Variants in GGT5 observed in about 807,000 individuals in gnomAD.
GGT5 encodes glutathione hydrolase 5 proenzyme.
GGT5 carries 50 observed loss-of-function variants against 58.1 expected under a neutral mutation model. The observed-to-expected ratio is 0.86, with a 90% CI of 0.69 to 1.09. GGT5 has a LOEUF of 1.09. GGT5 is among the 50% of genes least tolerant of loss of function. The pLI, the probability that GGT5 is intolerant of heterozygous loss-of-function variation, is 0.00. For missense variants in GGT5, 800 were observed against 789.4 expected (o/e 1.01, Z -0.16); for synonymous variants, 370 against 346.1 (o/e 1.07, Z -0.77).
At position 24,232,210 on chromosome 22, in the gene GGT5, TG is replaced by T; in HGVS notation, c.597-3del. On this transcript the variant is annotated splice_region_variant and splice_polypyrimidine_tract_variant and intron_variant, in intron 4 of 11. Coordinates refer to ENST00000327365, the MANE Select transcript of GGT5 (RefSeq NM_004121.5). The stretch of plus-strand genomic sequence containing the variant: ...TCTGTCCCGTTGAAGAAGAGCTGGC[TG>T]GGGGGTGGGGGGAGCCTCAGGGTGG... 6.9e-5 allele frequency: 28 copies of T among 405,636 alleles called. No homozygotes were observed. Among genetic ancestry groups the T allele is most frequent in the Non-Finnish European group, 8.7e-5 (22 of 251,680 alleles). 25.1% of individuals were successfully genotyped at this position (405,636 alleles called of 1,614,324 possible).
chr22:24,227,930 C>G (rs1471750658), intron 6 of GGT5, among the ~76,000 whole-genome samples: 1 of 151,288 alleles, frequency 6.6e-6, no homozygotes, highest in Non-Finnish European at 1.5e-5. Flanking sequence ...GTGCCTGTAA[C>G]CCCAGCTACT....
rs375806781 is a variant in GGT5 at position 24,238,389 on chromosome 22, G to C, written c.174-4385C>G. Among the ~76,000 whole-genome samples, 5 of 151,920 alleles carry C rather than the reference G, an allele frequency of 3.3e-5. 1 individual carries two copies. The highest frequency in any genetic ancestry group is 6.6e-5 in the Admixed American group (1 of 15,202). ...TACTACAAATACAAAAAAATTAGCA[G>C]GGCATGGTGTCATGCGCCTGTTGTA... is the stretch of plus-strand genomic sequence containing the variant. On this transcript the variant is annotated intron_variant, in intron 1 of 11. Transcript: ENST00000327365.
In GGT5 at chr22:24,237,236, G is replaced by A. The variant is rs533195417; in HGVS notation, c.174-3232C>T. Among the ~76,000 whole-genome samples, 53 of 152,038 alleles carry A rather than the reference G, an allele frequency of 3.5e-4. 1 individual carries two copies. In the South Asian group the frequency reaches 0.01, roughly 29 times the overall value. ...CTGTTGACCTACTCATGTGCTGAGG[G>A]AGGGGATGCCATAATGCCCCACACG... On this transcript the variant is annotated intron_variant, in intron 1 of 11. Transcript: ENST00000327365.
Position 24,236,491 on chromosome 22 carries a change from C to T in GGT5, c.174-2487G>A, listed in dbSNP as rs138708030. On this transcript the variant is annotated intron_variant, in intron 1 of 11. Coordinates refer to ENST00000327365, the MANE Select transcript of GGT5 (RefSeq NM_004121.5). ...AAAAATAATCTGTTAAGGCCGGGCGCGGTGGCTCATGCCTGTAATCCCAGC... is the reference window on the plus strand; with the variant it reads ...AAAAATAATCTGTTAAGGCCGGGCGTGGTGGCTCATGCCTGTAATCCCAGC... Among the ~76,000 whole-genome samples the T allele has an allele frequency of 2.8e-3, 431 of 152,286 alleles. 5 individuals carry two copies. In the Middle Eastern group the frequency reaches 0.037, roughly 13 times the overall value.
intron 1 of GGT5, among the ~76,000 whole-genome samples, chr22:24,240,823 A>G (rs1417196968): frequency 6.6e-6 from 1 of 152,170 alleles, no homozygotes; most frequent in East Asian, 1.9e-4. Flanking sequence ...CTTTAAGAAG[A>G]AAAGTATTAT....
chr22:24,224,690 G>A (rs2047697525), intron 11 of GGT5, among the ~76,000 whole-genome samples: 1 of 152,162 alleles, frequency 6.6e-6, no homozygotes, highest in Non-Finnish European at 1.5e-5. Flanking sequence ...GAGTCTGAGA[G>A]GCCCCAGCCA....
In GGT5 at chr22:24,244,823, T is replaced by C; in HGVS notation, c.-98A>G. On this transcript the variant is annotated 5_prime_UTR_variant, in exon 1 of 12. Coordinates refer to ENST00000327365, the MANE Select transcript of GGT5 (RefSeq NM_004121.5). ...ACAAGAAGATGCACAGAGTCACAGG[T>C]AATTGGACAGATGGACAAACAGGTG... is the stretch of plus-strand genomic sequence containing the variant. The C allele has an allele frequency of 1.4e-6, 2 of 1,466,766 alleles. No homozygotes were observed. Among genetic ancestry groups the C allele is most frequent in the South Asian group, 2.7e-5 (2 of 73,536 alleles). 90.9% of individuals were successfully genotyped at this position (1,466,766 alleles called of 1,614,324 possible).
chr22:24,236,107 A>G (rs1164287005), intron 1 of GGT5, among the ~76,000 whole-genome samples: 1 of 152,118 alleles, frequency 6.6e-6, no homozygotes, highest in African/African-American at 2.4e-5. Flanking sequence ...AGACACTTAT[A>G]CCCAGCTATG....
intron 6 of GGT5, among the ~76,000 whole-genome samples, chr22:24,228,166 G>A (rs2047833940): frequency 6.6e-6 from 1 of 151,784 alleles, no homozygotes; most frequent in South Asian, 2.1e-4. Context: ...GGGTGCAGTG[G>A]CTCATGCCTG....
intron 6 of GGT5, among the ~76,000 whole-genome samples, chr22:24,230,753 C>G (rs1256780515): frequency 6.6e-6 from 1 of 152,152 alleles, no homozygotes; most frequent in Non-Finnish European, 1.5e-5. Flanking sequence ...TACTCTGGAA[C>G]AAACATCATT....
intron 1 of GGT5, chr22:24,241,236 G>GT (rs1293610898): frequency 6.6e-6 from 1 of 150,790 alleles, no homozygotes; most frequent in Non-Finnish European, 1.5e-5. Context: ...GGATATAGAA[G>GT]TTTTTTTAGA....
At chr22:24,238,949 TA>T (rs1280324079) in intron 1 of GGT5, among the ~76,000 whole-genome samples, 3 of 42,856 alleles carry the variant, frequency 7.0e-5, no homozygotes, top group Admixed American at 5.8e-4. Context: ...AATATATATA[TA>T]TATATATAAT....
In GGT5 at chr22:24,225,584, T is replaced by G. The variant is rs1284325771; in HGVS notation, c.1298A>C (p.Glu433Ala). The G allele has an allele frequency of 6.2e-7, 1 of 1,613,376 alleles. No individual in the cohort carries two copies. Among genetic ancestry groups the G allele is most frequent in the East Asian group, 2.2e-5 (1 of 44,866 alleles). The change falls in exon 9 of 12, where the codon GAG (glutamate) becomes GCG (alanine). Residue 433 changes from glutamate to alanine, a missense_variant. Physicochemically the swap from Glu to Ala is moderately radical, Grantham distance 107 (BLOSUM62 -1). Transcript: ENST00000327365. ...ILNNELLDLC[E>A]RCPRGSGTTP... ...GGTGCCGGAACCCCGGGGGCATCGC[T>G]CGCATAAGTCCAGGAGCTCGTTGTT...
chr22:24,233,165 C>T, intron 3 of GGT5, 147 bp from the exon 4 acceptor site: 3 of 657,716 alleles, frequency 4.6e-6, no homozygotes, highest in Non-Finnish European at 7.5e-6. Context: ...GCTCAAATCA[C>T]CTGTGGCTCC....
intron 11 of GGT5, 50 bp downstream of exon 11, chr22:24,224,946 T>G: frequency 8.1e-7 from 1 of 1,240,864 alleles, no homozygotes; most frequent in Non-Finnish European, 1.2e-6. Context: ...GCAGCACGGA[T>G]TTGGGGAGTG....
In GGT5 at chr22:24,238,854, ATTATATATAT is replaced by A. The variant is rs1817046671; in HGVS notation, c.174-4860_174-4851del. On this transcript the variant is annotated intron_variant, in intron 1 of 11. Coordinates refer to ENST00000327365, the MANE Select transcript of GGT5 (RefSeq NM_004121.5). ...ATATTTATATATATATATTATATAT[ATTATATATAT>A]AATATATATAATATATATTATATAT... Among the ~76,000 whole-genome samples, 2 of 15,752 alleles carry A rather than the reference ATTATATATAT, an allele frequency of 1.3e-4. 1 individual carries two copies. The highest frequency in any genetic ancestry group is 2.6e-3 in the Admixed American group (2 of 770). The allele number at this position is 15,752 out of a possible 152,430, so 10.3% of individuals were successfully genotyped here.
chr22:24,233,021 G>A lies in GGT5; in HGVS notation c.401-3C>T, dbSNP rs765004241. On this transcript the variant is annotated splice_region_variant and splice_polypyrimidine_tract_variant and intron_variant, in intron 3 of 11. Coordinates refer to ENST00000327365, the MANE Select transcript of GGT5 (RefSeq NM_004121.5). ...GGGCACCCCGATCCACTGGGCCCCT[G>A]CATGGCACATCCCAGCTCTCAACCC... 107 of 1,519,026 alleles carry A rather than the reference G, an allele frequency of 7.0e-5. No homozygotes were observed. Among genetic ancestry groups the A allele is most frequent in the Non-Finnish European group, 9.1e-5 (103 of 1,129,590 alleles). 94.1% of individuals were successfully genotyped at this position (1,519,026 alleles called of 1,614,324 possible). A position where few individuals can be genotyped will look rare whatever the true frequency, so the allele number is the denominator to read the frequency against.
intron 11 of GGT5, among the ~76,000 whole-genome samples, chr22:24,223,754 C>CTTTTTTTTTTT (rs898258352): frequency 2.5e-5 from 2 of 79,460 alleles, no homozygotes; most frequent in Admixed American, 1.4e-4. Flanking sequence ...TGCTATCAAT[C>CTTTTTTTTTTT]TTTTTTTTTT....
chr22:24,233,676 C>A, intron 2 of GGT5, 83 bp from the exon 3 acceptor site: 1 of 894,876 alleles, frequency 1.1e-6, no homozygotes, highest in South Asian at 1.6e-5. Flanking sequence ...TCCATCTCTG[C>A]ATTATGAGAT....
Sources: allele counts gnomAD v4.1 joint callset (sites outside exome capture counted in the v4.1 genomes callset), GRCh38; gene constraint gnomAD v4.1.1; transcripts MANE v1.5; gene names NCBI Gene and HGNC (gene_info 2026-07-23, HGNC 2026-07-21).